The following VWF variants were observed in gnomAD, a reference collection of about 807,000 sequenced individuals.
VWF encodes the protein Factor VIII related antigen.
In VWF, 176 loss-of-function variants were observed where a neutral mutation model predicts 308.6. The ratio of observed to expected loss-of-function variants is 0.57; its 90% CI spans 0.50 to 0.65. The LOEUF (loss-of-function observed/expected upper bound fraction) is 0.65, where lower values mean the gene tolerates loss of function less well. Ranked by LOEUF, VWF falls within the 30% of genes least tolerant of loss-of-function variation. VWF has a pLI of 0.00. For synonymous variants in VWF, 1,385 were observed against 1,443.4 expected, an observed-to-expected ratio of 0.96 and a Z score of 0.92; for missense variants, 3,146 against 3,648.2, an observed-to-expected ratio of 0.86 and a Z score of 3.55.
Position 6,056,929 on chromosome 12 carries a change from C to G in VWF, c.1873G>C (p.Ala625Pro). 1 of 1,534,540 alleles carries G rather than the reference C, an allele frequency of 6.5e-7. No individual in the cohort carries two copies. Among genetic ancestry groups the G allele is most frequent in the South Asian group, 1.2e-5 (1 of 83,744 alleles). The change falls in exon 15 of 52, where the codon GCC becomes CCC. Residue 625 changes from alanine (A) to proline (P), a missense_variant. Around this residue, in one of 3 missense-constraint regions of VWF, gnomAD observed 1,304 missense variants for 1,353.0 expected, o/e 0.96. Coordinates refer to ENST00000261405, the MANE Select transcript of VWF (RefSeq NM_000552.5). ...CAGGCCGCGGCATAGCTGGCCAGGG[C>G]GCCGCACAGGCACTCGCGGCCGTCC... is the stretch of plus-strand genomic sequence containing the variant. ...CSDGRECLCG[A>P]LASYAAACAG...
At chr12:6,092,614 TGAGA>T (rs1555073700) in intron 6 of VWF, among the ~76,000 whole-genome samples, 3 of 86,090 alleles carry the variant, frequency 3.5e-5, no homozygotes, top group East Asian at 3.1e-4. Flanking sequence ...AGTGAGTGAG[TGAGA>T]GTGTGTGTGT....
rs143663093 is a variant in VWF, at chr12:5,986,967, G to T, written c.6799-1302C>A. Among the ~76,000 whole-genome samples, 585 of 152,184 alleles carry T rather than the reference G, an allele frequency of 3.8e-3. 2 individuals carry two copies. The highest frequency in any genetic ancestry group is 0.013 in the African/African-American group (560 of 41,510). On this transcript the variant is annotated intron_variant, in intron 38 of 51. Transcript: ENST00000261405. The stretch of plus-strand genomic sequence containing the variant: ...TTTTGAGACAGAGTCGCACTCTCTC[G>T]CCTAGACTGCAGTGCAGTGGCATGA...
At chr12:6,100,658 C>T (rs1009430792) in intron 5 of VWF, among the ~76,000 whole-genome samples, 1 of 152,064 alleles carries the variant, frequency 6.6e-6, no homozygotes, top group Admixed American at 6.6e-5. Flanking sequence ...AACCAAACAC[C>T]GCATGTTCTC....
chr12:5,959,859 A>G (rs1023740073), intron 47 of VWF, among the ~76,000 whole-genome samples: 3 of 151,890 alleles, frequency 2.0e-5, no homozygotes, highest in African/African-American at 4.8e-5. Context: ...AGGAAAATTT[A>G]TATTTTAAAT....
intron 38 of VWF, 121 bp from the exon 39 acceptor site, chr12:5,985,786 G>T (rs188467934): frequency 3.3e-6 from 3 of 900,484 alleles, no homozygotes; most frequent in African/African-American, 3.3e-5. Context: ...CCCTCTGACA[G>T]AGCCTCACAG....
intron 34 of VWF, among the ~76,000 whole-genome samples, chr12:6,008,155 G>A (rs928692235): frequency 1.3e-5 from 2 of 151,992 alleles, no homozygotes; most frequent in African/African-American, 4.8e-5. Flanking sequence ...CCAAAACACT[G>A]AAGTGGGAAA....
intron 5 of VWF, among the ~76,000 whole-genome samples, chr12:6,106,454 G>T (rs1945244505): frequency 6.6e-6 from 1 of 152,190 alleles, no homozygotes; most frequent in Admixed American, 6.5e-5. Flanking sequence ...GGAAGTTATT[G>T]TGTAATGAAT....
intron 22 of VWF, among the ~76,000 whole-genome samples, chr12:6,029,032 CAT>C: frequency 6.6e-6 from 1 of 150,510 alleles, no homozygotes; most frequent in Non-Finnish European, 1.5e-5. Context: ...CGTGCAGAGA[CAT>C]ACATAGGCTC....
At chr12:5,962,842 C>T (rs977020520) in intron 47 of VWF, among the ~76,000 whole-genome samples, 2 of 152,186 alleles carry the variant, frequency 1.3e-5, no homozygotes, top group East Asian at 3.8e-4. Context: ...AGCCAGCACG[C>T]CCGGCCAGCA....
At chr12:6,009,189 G>A (rs1169610546) in intron 34 of VWF, among the ~76,000 whole-genome samples, 1 of 148,632 alleles carries the variant, frequency 6.7e-6, no homozygotes, top group Non-Finnish European at 1.5e-5. Flanking sequence ...CCGTACATTT[G>A]ATAAAGGGTT....
intron 25 of VWF, 110 bp downstream of exon 25, chr12:6,023,521 T>C: frequency 6.6e-7 from 1 of 1,508,134 alleles, no homozygotes; most frequent in Non-Finnish European, 9.1e-7. Context: ...CTACTAACAC[T>C]CTGTCTTCTC....
At chr12:6,005,438 C>T (rs1943915070) in intron 34 of VWF, among the ~76,000 whole-genome samples, 2 of 151,898 alleles carry the variant, frequency 1.3e-5, no homozygotes, top group South Asian at 4.2e-4. Context: ...TTTAAAATAA[C>T]GAATAAGATT....
At chr12:6,045,484 A>C (rs1944437703) in intron 17 of VWF, among the ~76,000 whole-genome samples, 1 of 152,200 alleles carries the variant, frequency 6.6e-6, no homozygotes, top group African/African-American at 2.4e-5. Context: ...GGCAGAATGC[A>C]ACAGAGAGTG....
At chr12:6,082,572 C>T (rs1165535504) in intron 6 of VWF, among the ~76,000 whole-genome samples, 2 of 152,348 alleles carry the variant, frequency 1.3e-5, no homozygotes, top group East Asian at 1.9e-4. Context: ...GAGATGTAAA[C>T]ACACTGTAAC....
rs547631723 is a variant in VWF at position 6,030,275 on chromosome 12, G to A, written c.2821-787C>T. 7.8e-4 allele frequency among the ~76,000 whole-genome samples: 118 copies of A among 152,218 alleles called. 1 individual carries two copies. In the South Asian group the frequency reaches 0.021, roughly 27 times the overall value. ...ACACCTCCTGTTCAGCATCATCACCGCCACTCTGCCCTAAATAGAGCTGTT... is the reference window on the plus strand; with the variant it reads ...ACACCTCCTGTTCAGCATCATCACCACCACTCTGCCCTAAATAGAGCTGTT... On this transcript the variant is annotated intron_variant, in intron 21 of 51. Transcript: ENST00000261405.
At chr12:5,958,646 AC>A (rs1943277438) in intron 47 of VWF, among the ~76,000 whole-genome samples, 1 of 152,058 alleles carries the variant, frequency 6.6e-6, no homozygotes, top group Non-Finnish European at 1.5e-5. Flanking sequence ...CCATGATCAT[AC>A]CGCTGCACTC....
At chr12:5,964,282 ACATG>A (rs1457521789) in intron 47 of VWF, among the ~76,000 whole-genome samples, 21 of 143,470 alleles carry the variant, frequency 1.5e-4, no homozygotes, top group African/African-American at 5.1e-4. Flanking sequence ...ATGCATACAT[ACATG>A]CATACATACA....
intron 5 of VWF, among the ~76,000 whole-genome samples, chr12:6,100,796 G>C (rs906298187): frequency 1.3e-5 from 2 of 152,112 alleles, no homozygotes; most frequent in Admixed American, 6.6e-5. Context: ...AATGCTAAAT[G>C]ACGAGTTAAT....
intron 10 of VWF, among the ~76,000 whole-genome samples, chr12:6,070,842 C>T (rs184168987): frequency 6.6e-6 from 1 of 152,276 alleles, no homozygotes; most frequent in Admixed American, 6.5e-5. Context: ...CCTGGTTTTC[C>T]GAGCTCTTGG....
Sources: allele counts gnomAD v4.1 joint callset (sites outside exome capture counted in the v4.1 genomes callset), GRCh38; gene constraint gnomAD v4.1.1; regional missense constraint gnomAD v4.1.1; transcripts MANE v1.5; gene names NCBI Gene and HGNC (gene_info 2026-07-23, HGNC 2026-07-21).